CLMP: variants seen among roughly 807,000 people sequenced by gnomAD.
CLMP encodes CXADR like cell adhesion molecule.
Under a neutral mutation model 45.2 loss-of-function variants are expected in CLMP, and 27 were observed. That is an observed-to-expected ratio of 0.60 (90% confidence interval 0.44 to 0.82). The LOEUF (loss-of-function observed/expected upper bound fraction) is 0.82, where lower values mean the gene tolerates loss of function less well. Among genes scored for constraint, CLMP ranks in the 40% least tolerant of loss-of-function variants. The pLI is 0.00. For synonymous variants in CLMP, 167 were observed against 171.4 expected (o/e 0.97, Z 0.20); for missense variants, 403 against 448.4 (o/e 0.90, Z 0.91).
rs148203766 is a variant in CLMP, at chr11:123,153,767, C to T, written c.28+41146G>A. Among the ~76,000 whole-genome samples the T allele has an allele frequency of 1.2e-3, 182 of 152,132 alleles. 4 individuals are homozygous for T. In the South Asian group the frequency reaches 0.032, roughly 27 times the overall value. On this transcript the variant is annotated intron_variant, in intron 1 of 6. Transcript: ENST00000448775. Reference sequence around the variant, plus strand: ...GCACGATCTCAGCTCACTCCAGCCTCGACCTCCTGGGTTCATGTGATCCTC... The same window carrying T: ...GCACGATCTCAGCTCACTCCAGCCTTGACCTCCTGGGTTCATGTGATCCTC...
intron 2 of CLMP, among the ~76,000 whole-genome samples, chr11:123,089,741 C>T (rs1865905714): frequency 6.9e-6 from 1 of 143,948 alleles, no homozygotes; most frequent in Non-Finnish European, 1.5e-5. Context: ...CGCACCACTG[C>T]ACTCCAGCCT....
chr11:123,147,754 A>C (rs1201454822), intron 1 of CLMP, among the ~76,000 whole-genome samples: 5 of 151,878 alleles, frequency 3.3e-5, no homozygotes, highest in Admixed American at 3.3e-4. Context: ...CTCAGGAAAC[A>C]GTTGTTGAAG....
Position 123,195,126 on chromosome 11 carries a change from G to T in CLMP, c.-186C>A. 1 of 339,386 alleles carries T rather than the reference G, an allele frequency of 2.9e-6. No individual in the cohort carries two copies. Among genetic ancestry groups the T allele is most frequent in the Non-Finnish European group, 5.1e-6 (1 of 196,400 alleles). 21.0% of individuals were successfully genotyped at this position (339,386 alleles called of 1,614,324 possible). A position where few individuals can be genotyped will look rare whatever the true frequency, so the allele number is the denominator to read the frequency against. On this transcript the variant is annotated 5_prime_UTR_variant, in exon 1 of 7. Transcript: ENST00000448775. ...GCCCCTGGGGGCAGATGGGCTCCCG[G>T]CGCTCGCCCCACCAGCTGGCGCCCG...
intron 1 of CLMP, among the ~76,000 whole-genome samples, chr11:123,118,823 C>T (rs762553924): frequency 3.9e-5 from 6 of 152,088 alleles, no homozygotes; most frequent in Non-Finnish European, 5.9e-5. Flanking sequence ...CTCACACTCA[C>T]GTACTCATTC....
chr11:123,075,159 G>T (rs1865722413), intron 5 of CLMP, among the ~76,000 whole-genome samples: 1 of 151,522 alleles, frequency 6.6e-6, no homozygotes, highest in South Asian at 2.1e-4. Context: ...TCTCTATGTT[G>T]GTCAGGCTGG....
In CLMP at chr11:123,194,977, G is replaced by C. The variant is rs1295981948; in HGVS notation, c.-37C>G. Reference sequence around the variant, plus strand: ...GACGCGGGCGCTTCCCCGCTCAGCTGCTGCTTGGCTCCGGGGCGGCCGGGC... The same window carrying C: ...GACGCGGGCGCTTCCCCGCTCAGCTCCTGCTTGGCTCCGGGGCGGCCGGGC... On this transcript the variant is annotated 5_prime_UTR_variant, in exon 1 of 7. Transcript: ENST00000448775. The C allele has an allele frequency of 6.2e-7, 1 of 1,604,814 alleles. No individual in the cohort carries two copies. The highest frequency in any genetic ancestry group is 1.7e-5 in the Admixed American group (1 of 59,188).
intron 5 of CLMP, among the ~76,000 whole-genome samples, chr11:123,075,511 C>T (rs745321135): frequency 2.0e-5 from 3 of 151,210 alleles, no homozygotes; most frequent in Non-Finnish European, 4.4e-5. Context: ...CTCAGCCTCC[C>T]GAGTAGCTGG....
In CLMP at chr11:123,125,504, C is replaced by CTCCCT. The variant is rs1295258016; in HGVS notation, c.29-27557_29-27553dup. On this transcript the variant is annotated intron_variant, in intron 1 of 6. Transcript: ENST00000448775. The stretch of plus-strand genomic sequence containing the variant: ...TCCCTCCCTCCTTCCTCCCTTCTTC[C>CTCCCT]TCCCTTCCCTTCCCTTCCCTTCCCT... Among the ~76,000 whole-genome samples the CTCCCT allele has an allele frequency of 6.6e-3, 471 of 71,108 alleles. 8 individuals carry two copies. The highest frequency in any genetic ancestry group is 0.023 in the African/African-American group (428 of 18,276). The allele number at this position is 71,108 out of a possible 152,430, so 46.6% of individuals were successfully genotyped here.
intron 1 of CLMP, among the ~76,000 whole-genome samples, chr11:123,123,173 C>T (rs1442781336): frequency 6.6e-6 from 1 of 152,060 alleles, no homozygotes; most frequent in East Asian, 1.9e-4. Flanking sequence ...TCATATTGCC[C>T]AGCTGTGACC....
chr11:123,115,178 A>G (rs539317499), intron 1 of CLMP, among the ~76,000 whole-genome samples: 19 of 152,020 alleles, frequency 1.2e-4, no homozygotes, highest in African/African-American at 3.6e-4. Flanking sequence ...AGCATCTGGA[A>G]CTACAAGTGT....
chr11:123,102,777 G>A lies in CLMP; in HGVS notation c.29-4825C>T, dbSNP rs1374722226. On this transcript the variant is annotated intron_variant, in intron 1 of 6. Coordinates refer to ENST00000448775, the MANE Select transcript of CLMP (RefSeq NM_024769.5). ...TCACCATGTTGGTCAGGCTGGTCTC[G>A]AACTCTTGGCCTCAAGTGATCCACC... 8.1e-5 allele frequency among the ~76,000 whole-genome samples: 11 copies of A among 135,202 alleles called. No homozygotes were observed. The South Asian group carries it at 2.4e-3, about 29-fold the overall frequency. 88.7% of individuals were successfully genotyped at this position (135,202 alleles called of 152,430 possible). A position where few individuals can be genotyped will look rare whatever the true frequency, so the allele number is the denominator to read the frequency against.
In CLMP at chr11:123,119,618, G is replaced by GT. The variant is rs150869983; in HGVS notation, c.29-21667dup. 0.014 allele frequency among the ~76,000 whole-genome samples: 2,086 copies of GT among 152,198 alleles called. 107 individuals carry two copies. In the East Asian group the frequency reaches 0.19, roughly 14 times the overall value. ...AGAACAAAATAGTATACAGTGAAAA[G>GT]TAAGTCTGTCTCACAGTGACCCTCA... On this transcript the variant is annotated intron_variant, in intron 1 of 6. Transcript: ENST00000448775.
intron 1 of CLMP, among the ~76,000 whole-genome samples, chr11:123,114,442 C>G (rs1472464920): frequency 7.3e-6 from 1 of 137,782 alleles, no homozygotes; most frequent in Admixed American, 7.6e-5. Flanking sequence ...CTCCCTCCCT[C>G]CCTCCCTCTC....
intron 5 of CLMP, among the ~76,000 whole-genome samples, chr11:123,078,637 T>G (rs974967411): frequency 2.8e-5 from 4 of 142,466 alleles, no homozygotes; most frequent in South Asian, 2.2e-4. Flanking sequence ...GTGTTTTTTT[T>G]GGTTTTTTTT....
intron 1 of CLMP, among the ~76,000 whole-genome samples, chr11:123,126,092 C>A (rs917717226): frequency 6.6e-6 from 1 of 152,178 alleles, no homozygotes; most frequent in African/African-American, 2.4e-5. Context: ...AAGGGGCCAG[C>A]CTGAATATAT....
chr11:123,138,988 TAAAAG>T (rs555418187), intron 1 of CLMP, among the ~76,000 whole-genome samples: 47 of 152,070 alleles, frequency 3.1e-4, no homozygotes, highest in Non-Finnish European at 6.5e-4. Context: ...TGAAAAAAAT[TAAAAG>T]AAAAGTTACT....
rs527358003 is a variant in CLMP at position 123,110,213 on chromosome 11, T to TG, written c.29-12262dup. Among the ~76,000 whole-genome samples the TG allele has an allele frequency of 2.2e-3, 328 of 152,142 alleles. 1 individual carries two copies. The highest frequency in any genetic ancestry group is 3.8e-3 in the Non-Finnish European group (257 of 68,002). The stretch of plus-strand genomic sequence containing the variant: ...GCTCACGCCTGTAATCCCAGCACTT[T>TG]GGGGGGCTGAGGTGGGCAGATCACA... On this transcript the variant is annotated intron_variant, in intron 1 of 6. Coordinates refer to ENST00000448775, the MANE Select transcript of CLMP (RefSeq NM_024769.5).
At chr11:123,077,274 TTTCAG>T (rs1865752470) in intron 5 of CLMP, among the ~76,000 whole-genome samples, 1 of 152,132 alleles carries the variant, frequency 6.6e-6, no homozygotes. Flanking sequence ...AGTGCTGGGA[TTTCAG>T]GCGTGAGCCA....
intron 1 of CLMP, among the ~76,000 whole-genome samples, chr11:123,129,320 C>T (rs1413332445): frequency 6.8e-6 from 1 of 147,352 alleles, no homozygotes; most frequent in Non-Finnish European, 1.5e-5. Context: ...ATGAGTGAAA[C>T]TCTGTCTTAA....
Sources: allele counts gnomAD v4.1 joint callset (sites outside exome capture counted in the v4.1 genomes callset), GRCh38; gene constraint gnomAD v4.1.1; transcripts MANE v1.5; gene names NCBI Gene and HGNC (gene_info 2026-07-23, HGNC 2026-07-21).